Variants in LRRC40 observed in about 807,000 individuals in gnomAD.
LRRC40 encodes the protein leucine rich repeat containing 40.
LRRC40 carries 76 observed loss-of-function variants against 72.8 expected under a neutral mutation model. The ratio of observed to expected loss-of-function variants is 1.04; its 90% CI spans 0.87 to 1.26. The LOEUF is 1.26. LRRC40 is among the 50% of genes most tolerant of loss of function. The pLI, the probability that LRRC40 is intolerant of heterozygous loss-of-function variation, is 0.00. For synonymous variants in LRRC40, 243 were observed against 254.2 expected (o/e 0.96, Z 0.42); for missense variants, 684 against 698.9 (o/e 0.98, Z 0.24).
At chr1:70,161,904 A>G (rs1156484491) in intron 9 of LRRC40, among the ~76,000 whole-genome samples, 1 of 152,230 alleles carries the variant, frequency 6.6e-6, no homozygotes, top group Non-Finnish European at 1.5e-5. Context: ...TGGACAAAAT[A>G]AACAAAAATT....
chr1:70,147,452 T>C (rs934445752), intron 14 of LRRC40, among the ~76,000 whole-genome samples: 11 of 152,196 alleles, frequency 7.2e-5, no homozygotes, highest in African/African-American at 2.7e-4. Flanking sequence ...TGGCCATGAT[T>C]TCAATGTTAA....
At chr1:70,169,483 A>G (rs1667956981) in intron 9 of LRRC40, among the ~76,000 whole-genome samples, 1 of 152,222 alleles carries the variant, frequency 6.6e-6, no homozygotes, top group Non-Finnish European at 1.5e-5. Context: ...CAGAAAAACA[A>G]TAGAGAAGAT....
At chr1:70,197,901 A>G (rs827810) in intron 1 of LRRC40, among the ~76,000 whole-genome samples, 144,790 of 151,998 alleles carry the variant, frequency 0.95, 69,049 homozygotes, top group East Asian at 1. Flanking sequence ...CCAACATGGT[A>G]AAACCCCATC....
At chr1:70,158,099 C>CAAAAAAAAAAAAAAAAA (rs35925333) in intron 10 of LRRC40, among the ~76,000 whole-genome samples, 1 of 19,218 alleles carries the variant, frequency 5.2e-5, no homozygotes, top group African/African-American at 2.3e-4. Context: ...GACCCTGCCT[C>CAAAAAAAAAAAAAAAAA]AAAAAAAAAA....
chr1:70,175,382 T>C (rs1668079722), intron 7 of LRRC40, among the ~76,000 whole-genome samples: 1 of 152,218 alleles, frequency 6.6e-6, no homozygotes. Context: ...TCATCAGAGA[T>C]TCTGATTCAT....
chr1:70,189,545 G>C (rs1668447768), intron 1 of LRRC40, among the ~76,000 whole-genome samples: 1 of 152,096 alleles, frequency 6.6e-6, no homozygotes, highest in African/African-American at 2.4e-5. Context: ...TACATACACT[G>C]ATTAGCACAT....
intron 1 of LRRC40, among the ~76,000 whole-genome samples, chr1:70,197,707 G>A (rs1668646253): frequency 6.6e-6 from 1 of 151,704 alleles, no homozygotes; most frequent in African/African-American, 2.4e-5. Flanking sequence ...AGTTTGGGGA[G>A]GACATTTATA....
intron 9 of LRRC40, among the ~76,000 whole-genome samples, chr1:70,164,542 A>G (rs1455658498): frequency 1.3e-5 from 2 of 152,182 alleles, no homozygotes. Context: ...CACTGAAACC[A>G]CAGCAGCACC....
intron 9 of LRRC40, among the ~76,000 whole-genome samples, chr1:70,163,752 G>A (rs1178170387): frequency 6.6e-6 from 1 of 152,226 alleles, no homozygotes; most frequent in East Asian, 1.9e-4. Context: ...TCCTGGTGAC[G>A]GAGCAAGAAA....
intron 5 of LRRC40, 77 bp downstream of exon 5, chr1:70,181,009 T>C: frequency 2.8e-6 from 3 of 1,088,078 alleles, no homozygotes; most frequent in Non-Finnish European, 3.8e-6. Flanking sequence ...TCTCTGTAAC[T>C]ATATTAAAAA....
chr1:70,163,420 T>C (rs1667809402), intron 9 of LRRC40, among the ~76,000 whole-genome samples: 2 of 152,108 alleles, frequency 1.3e-5, no homozygotes, highest in Admixed American at 1.3e-4. Flanking sequence ...TCTGATTCCT[T>C]GCCCTTTCCA....
At chr1:70,146,534 AG>A (rs1217725239) in intron 14 of LRRC40, among the ~76,000 whole-genome samples, 1 of 152,176 alleles carries the variant, frequency 6.6e-6, no homozygotes, top group African/African-American at 2.4e-5. Context: ...ATACAAATTT[AG>A]GGGGGTAAGA....
At position 70,159,449 on chromosome 1, in the gene LRRC40, A is replaced by G. The variant is rs1667710298; in HGVS notation, c.1112-11T>C. 3 of 1,317,396 alleles carry G rather than the reference A, an allele frequency of 2.3e-6. No individual in the cohort carries two copies. Among genetic ancestry groups the G allele is most frequent in the Middle Eastern group, 1.9e-4 (1 of 5,392 alleles). The allele number at this position is 1,317,396 out of a possible 1,614,324, so 81.6% of individuals were successfully genotyped here. A position where few individuals can be genotyped will look rare whatever the true frequency, so the allele number is the denominator to read the frequency against. On this transcript the variant is annotated splice_polypyrimidine_tract_variant and intron_variant, in intron 9 of 14. Coordinates refer to ENST00000370952, the MANE Select transcript of LRRC40 (RefSeq NM_017768.5). ...GGCTAGGTCCATCATCTGGCAAAAG[A>G]AAACTTATATGAAGCCAATATTTAT...
At chr1:70,146,216 G>A (rs1297573195) in intron 14 of LRRC40, among the ~76,000 whole-genome samples, 7 of 151,908 alleles carry the variant, frequency 4.6e-5, no homozygotes, top group Non-Finnish European at 1.0e-4. Context: ...GTAGTGAGGG[G>A]GTTTTGCCAT....
intron 6 of LRRC40, among the ~76,000 whole-genome samples, chr1:70,178,541 G>A (rs555629428): frequency 6.6e-6 from 1 of 152,072 alleles, no homozygotes; most frequent in South Asian, 2.1e-4. Context: ...CATAATCCTG[G>A]TTGGTATTCC....
intron 4 of LRRC40, 72 bp from the exon 5 acceptor site, chr1:70,181,281 T>C (rs902833733): frequency 5.2e-6 from 5 of 959,072 alleles, no homozygotes; most frequent in Admixed American, 3.4e-5. Flanking sequence ...CTAAAAAGGA[T>C]TTCAAATTTT....
At chr1:70,185,332 T>C (rs61785270) in intron 3 of LRRC40, among the ~76,000 whole-genome samples, 31,254 of 152,182 alleles carry the variant, frequency 0.21, 3,616 homozygotes, top group East Asian at 0.41. Flanking sequence ...GTGAGGAACC[T>C]GGTGGGAGAT....
At chr1:70,152,758 T>G (rs1667535958) in intron 11 of LRRC40, among the ~76,000 whole-genome samples, 1 of 152,184 alleles carries the variant, frequency 6.6e-6, no homozygotes, top group African/African-American at 2.4e-5. Flanking sequence ...GTCCAAAAGT[T>G]TCTATTTGGC....
At chr1:70,153,799 T>C (rs1485041041) in intron 11 of LRRC40, among the ~76,000 whole-genome samples, 1 of 151,948 alleles carries the variant, frequency 6.6e-6, no homozygotes, top group Non-Finnish European at 1.5e-5. Context: ...CTGGGCAACA[T>C]GGCAAAACCT....
Sources: gnomAD v4.1 joint callset for allele counts (sites outside exome capture counted in the v4.1 genomes callset) on GRCh38, gnomAD v4.1.1 for gene constraint, MANE v1.5 for transcripts, NCBI Gene and HGNC (gene_info 2026-07-23, HGNC 2026-07-21) for gene names.